The following VPS4A variants were observed in gnomAD, a reference collection of about 807,000 sequenced individuals.
The protein encoded by VPS4A is vacuolar protein sorting 4 homolog A.
VPS4A carries 20 observed loss-of-function variants against 52.3 expected under a neutral mutation model. The ratio of observed to expected loss-of-function variants is 0.38; its 90% CI spans 0.27 to 0.56. The LOEUF is 0.56. Among genes scored for constraint, VPS4A ranks in the 20% least tolerant of loss-of-function variants. The probability of loss-of-function intolerance (pLI) is 0.72; values close to 1 mark genes in which losing one functional copy is unlikely to be tolerated. For synonymous variants in VPS4A, 293 were observed against 227.7 expected (o/e 1.29, Z -2.58); for missense variants, 419 against 575.9 (o/e 0.73, Z 2.79).
Position 69,321,303 on chromosome 16 carries a change from T to C in VPS4A, c.1071+33T>C. The C allele has an allele frequency of 6.5e-7, 1 of 1,540,508 alleles. No homozygotes were observed. The highest frequency in any genetic ancestry group is 8.8e-7 in the Non-Finnish European group (1 of 1,140,734). ...CCCGCGGCCACTGCTGAGAAAAATCTCATAGTAAGAGCGGGATGTTCGGTT... is the reference window on the plus strand; with the variant it reads ...CCCGCGGCCACTGCTGAGAAAAATCCCATAGTAAGAGCGGGATGTTCGGTT... On this transcript the variant is annotated intron_variant, in intron 9 of 10. Transcript: ENST00000254950. The surrounding 1 kb of genome is among the most constrained non-coding windows in gnomAD (Gnocchi z 4.5).
chr16:69,318,780 C>A (rs778001554), intron 4 of VPS4A, 43 bp from the exon 5 acceptor site: 1 of 1,612,280 alleles, frequency 6.2e-7, no homozygotes, highest in South Asian at 1.1e-5. Flanking sequence ...TTGGCTCATG[C>A]CCCTTGGCCG....
At chr16:69,319,696 A>G (rs947063746) in intron 6 of VPS4A, among the ~76,000 whole-genome samples, 153 bp downstream of exon 6, 1 of 152,248 alleles carries the variant, frequency 6.6e-6, no homozygotes, top group Non-Finnish European at 1.5e-5. Flanking sequence ...GCTGGGACAC[A>G]GTCCCAACAA....
intron 5 of VPS4A, among the ~76,000 whole-genome samples, 176 bp downstream of exon 5, chr16:69,319,118 C>G (rs1965476863): frequency 6.6e-6 from 1 of 151,818 alleles, no homozygotes; most frequent in African/African-American, 2.4e-5. Flanking sequence ...AGATGACGAT[C>G]ACGTCACAGG....
At chr16:69,318,754 T>C (rs1160478459) in intron 4 of VPS4A, 43 bp downstream of exon 4, 1 of 1,611,994 alleles carries the variant, frequency 6.2e-7, no homozygotes, top group South Asian at 1.1e-5. Context: ...GGGATGAGAG[T>C]GGGTCCGCTG....
At chr16:69,319,103 CTA>C (rs990051795) in intron 5 of VPS4A, among the ~76,000 whole-genome samples, 161 bp downstream of exon 5, 1 of 152,070 alleles carries the variant, frequency 6.6e-6, no homozygotes, top group African/African-American at 2.4e-5. Context: ...GTGGCTGGAG[CTA>C]TGAGATGACG....
intron 4 of VPS4A, 29 bp from the exon 5 acceptor site, chr16:69,318,794 C>T: frequency 6.2e-7 from 1 of 1,609,016 alleles, no homozygotes; most frequent in African/African-American, 1.3e-5. Flanking sequence ...TTGGCCGGGC[C>T]CGGGCCCGGG....
chr16:69,322,221 C>T (rs985188704), intron 9 of VPS4A: 4 of 183,760 alleles, frequency 2.2e-5, no homozygotes, highest in African/African-American at 9.4e-5. Context: ...TGGGTCCCTC[C>T]CACAACATGT....
chr16:69,315,019 A>G (rs1372905239), intron 1 of VPS4A, among the ~76,000 whole-genome samples: 1 of 152,038 alleles, frequency 6.6e-6, no homozygotes, highest in Non-Finnish European at 1.5e-5. Flanking sequence ...GGATCACTTG[A>G]TGTCAGGAGT....
chr16:69,317,503 A>G (rs1199971618), intron 3 of VPS4A, among the ~76,000 whole-genome samples: 7 of 152,128 alleles, frequency 4.6e-5, no homozygotes, highest in African/African-American at 1.7e-4. Context: ...TTAAAAATAC[A>G]AAAAAATAGG....
At position 69,320,030 on chromosome 16, in the gene VPS4A, T is replaced by G; in HGVS notation, c.621-111T>G. 1.4e-6 allele frequency: 2 copies of G among 1,410,270 alleles called. No individual in the cohort carries two copies. The highest frequency in any genetic ancestry group is 5.0e-5 in the East Asian group (2 of 39,652). 87.4% of individuals were successfully genotyped at this position (1,410,270 alleles called of 1,614,324 possible). On this transcript the variant is annotated intron_variant, in intron 6 of 10. Transcript: ENST00000254950. This position sits in a 1 kb window ranked among gnomAD's most constrained non-coding sequence, Gnocchi z 4.2. ...CACCACGTTTTCCGCAATTCCGGCA[T>G]GACCGTGGCCTGCGCCTCCCTGTGG...
At chr16:69,318,796 G>C (rs770549111) in intron 4 of VPS4A, 27 bp from the exon 5 acceptor site, 1 of 1,611,606 alleles carries the variant, frequency 6.2e-7, no homozygotes, top group South Asian at 1.1e-5. Flanking sequence ...GGCCGGGCCC[G>C]GGCCCGGGCC....
At chr16:69,312,302 T>G (rs1209938284) in intron 1 of VPS4A, among the ~76,000 whole-genome samples, 4 of 152,338 alleles carry the variant, frequency 2.6e-5, no homozygotes, top group African/African-American at 9.6e-5. Flanking sequence ...TTCTTGTATG[T>G]CTGGCACATA....
chr16:69,319,669 G>A, intron 6 of VPS4A, 126 bp downstream of exon 6: 2 of 1,288,872 alleles, frequency 1.6e-6, no homozygotes, highest in South Asian at 1.5e-5. Flanking sequence ...CAAGAGCAGT[G>A]TGTCGCTAGC....
rs1597214027 is a variant in VPS4A at position 69,320,863 on chromosome 16, CT to C, written c.851+98del. On this transcript the variant is annotated intron_variant, in intron 8 of 10. Coordinates refer to ENST00000254950, the MANE Select transcript of VPS4A (RefSeq NM_013245.3). This position sits in a 1 kb window ranked among gnomAD's most constrained non-coding sequence, Gnocchi z 4.2. ...TGGCAGCCCGGGTGCAGCCTGGCCCCTTTTCCCTGGAGTCTTCCCGTCTGCC... is the reference window on the plus strand; with the variant it reads ...TGGCAGCCCGGGTGCAGCCTGGCCCCTTTCCCTGGAGTCTTCCCGTCTGCC... The C allele has an allele frequency of 1.5e-6, 2 of 1,368,278 alleles. No individual in the cohort carries two copies. Among genetic ancestry groups the C allele is most frequent in the Non-Finnish European group, 2.0e-6 (2 of 989,392 alleles). 84.8% of individuals were successfully genotyped at this position (1,368,278 alleles called of 1,614,324 possible). A position where few individuals can be genotyped will look rare whatever the true frequency, so the allele number is the denominator to read the frequency against.
At chr16:69,319,308 G>T in intron 5 of VPS4A, 79 bp from the exon 6 acceptor site, 1 of 1,571,418 alleles carries the variant, frequency 6.4e-7, no homozygotes, top group Non-Finnish European at 8.6e-7. Flanking sequence ...TTTACTGTAT[G>T]TATGGGACTC....
rs926023692 is a variant in VPS4A at position 69,320,935 on chromosome 16, G to A, written c.852-116G>A. The A allele has an allele frequency of 1.0e-5, 13 of 1,258,682 alleles. No homozygotes were observed. The highest frequency in any genetic ancestry group is 2.1e-4 in the Middle Eastern group (1 of 4,852). 78.0% of individuals were successfully genotyped at this position (1,258,682 alleles called of 1,614,324 possible). A position where few individuals can be genotyped will look rare whatever the true frequency, so the allele number is the denominator to read the frequency against. On this transcript the variant is annotated intron_variant, in intron 8 of 10. Transcript: ENST00000254950. The surrounding 1 kb of genome is among the most constrained non-coding windows in gnomAD (Gnocchi z 4.2). ...GAGGCTGGCTTGTTGAGGATGTGCC[G>A]CCAGCATCACTGGCCCATGAAATGC... is the stretch of plus-strand genomic sequence containing the variant.
chr16:69,313,057 C>T (rs532487421), intron 1 of VPS4A, among the ~76,000 whole-genome samples: 1 of 151,990 alleles, frequency 6.6e-6, no homozygotes, highest in Non-Finnish European at 1.5e-5. Flanking sequence ...CAACTCATTG[C>T]GGCCTCCGCC....
intron 1 of VPS4A, among the ~76,000 whole-genome samples, chr16:69,314,960 C>T (rs1275153048): frequency 2.6e-5 from 4 of 151,966 alleles, no homozygotes; most frequent in East Asian, 1.9e-4. Flanking sequence ...ACTGACCGGT[C>T]GCGGTGGCTC....
rs369539490 is a variant in VPS4A at position 69,322,642 on chromosome 16, T to A, written c.1154T>A (p.Met385Lys). The A allele has an allele frequency of 6.2e-7, 1 of 1,613,862 alleles. No individual in the cohort carries two copies. Among genetic ancestry groups the A allele is most frequent in the Admixed American group, 1.7e-5 (1 of 60,012 alleles). ...TGCTCACCAGGGGACCCAGGAGCCA[T>A]GGAGATGACTTGGATGGATGTCCCT... ...TPCSPGDPGA[M>K]EMTWMDVPGD... The change falls in exon 10 of 11, where the codon ATG becomes AAG. Residue 385 changes from methionine to lysine, a missense_variant. Met to Lys is a moderately conservative substitution (Grantham distance 95). Around this residue, in one of 3 missense-constraint regions of VPS4A, gnomAD observed 185 missense variants for 200.2 expected, o/e 0.92. Transcript: ENST00000254950.
Sources: allele counts gnomAD v4.1 joint callset (sites outside exome capture counted in the v4.1 genomes callset), GRCh38; gene constraint gnomAD v4.1.1; regional missense constraint gnomAD v4.1.1; non-coding constraint Gnocchi (gnomAD v3.1); transcripts MANE v1.5; gene names NCBI Gene and HGNC (gene_info 2026-07-23, HGNC 2026-07-21).